NEIL1: variants seen among roughly 807,000 people sequenced by gnomAD.
The protein encoded by NEIL1 is endonuclease 8-like 1.
NEIL1 carries 31 observed loss-of-function variants against 44.2 expected under a neutral mutation model. That is an observed-to-expected ratio of 0.70 (90% confidence interval 0.53 to 0.95). The LOEUF is 0.95. NEIL1 is among the 40% of genes least tolerant of loss of function. The pLI is 0.00. For synonymous variants in NEIL1, 254 were observed against 209.7 expected (o/e 1.21, Z -1.83); for missense variants, 549 against 515.5 (o/e 1.07, Z -0.63).
rs2072305504 is a variant in NEIL1 at position 75,356,494 on chromosome 15, C to T, written c.*1460C>T. 1.9e-6 allele frequency: 3 copies of T among 1,569,264 alleles called. No individual in the cohort carries two copies. The highest frequency in any genetic ancestry group is 1.9e-5 in the Admixed American group (1 of 52,516). ...CAATGCTGGTGGAGAATGGGGGCTA[C>T]CCTCCCCTGTCCCTAGAAGGGGCAG... On this transcript the variant is annotated 3_prime_UTR_variant, in exon 10 of 10. Coordinates refer to ENST00000355059, the MANE Select transcript of NEIL1 (RefSeq NM_024608.4). This position sits in a 1 kb window ranked among gnomAD's most constrained non-coding sequence, Gnocchi z 5.8.
chr15:75,350,213 C>T (rs1041899928), intron 2 of NEIL1, among the ~76,000 whole-genome samples: 6 of 152,230 alleles, frequency 3.9e-5, no homozygotes, highest in Admixed American at 1.3e-4. Context: ...TTGGCCACTT[C>T]CTTTCCTCTG....
intron 1 of NEIL1, chr15:75,348,235 G>A (rs1424497140): frequency 2.4e-6 from 2 of 846,272 alleles, no homozygotes; most frequent in East Asian, 2.4e-4. Flanking sequence ...GGGATGTCCG[G>A]TCCGTGGGGC....
rs906814559 is a variant in NEIL1 at position 75,347,343 on chromosome 15, C to T, written c.-153C>T. The T allele has an allele frequency of 6.6e-6, 1 of 152,298 alleles. No homozygotes were observed. The highest frequency in any genetic ancestry group is 2.4e-5 in the African/African-American group (1 of 41,474). The allele number at this position is 152,298 out of a possible 1,614,324, so 9.4% of individuals were successfully genotyped here. On this transcript the variant is annotated 5_prime_UTR_variant, in exon 1 of 10. Coordinates refer to ENST00000355059, the MANE Select transcript of NEIL1 (RefSeq NM_024608.4). Reference sequence around the variant, plus strand: ...GCTGTTTCCTGCTGGGGGTGCCGACCCTGTCCCACGCTAGCTGGGTGACTT... The same window carrying T: ...GCTGTTTCCTGCTGGGGGTGCCGACTCTGTCCCACGCTAGCTGGGTGACTT...
rs778461649 is a variant in NEIL1 at position 75,356,034 on chromosome 15, T to A, written c.*1000T>A. 6.2e-7 allele frequency: 1 copy of A among 1,613,732 alleles called. No homozygotes were observed. Among genetic ancestry groups the A allele is most frequent in the Non-Finnish European group, 8.5e-7 (1 of 1,179,888 alleles). The stretch of plus-strand genomic sequence containing the variant: ...TCTGGTCGCTCCAAGAGATCGCAGC[T>A]GGAGAACAGGAGGGGCCATGAAGGC... On this transcript the variant is annotated 3_prime_UTR_variant, in exon 10 of 10. Coordinates refer to ENST00000355059, the MANE Select transcript of NEIL1 (RefSeq NM_024608.4). The surrounding 1 kb of genome is among the most constrained non-coding windows in gnomAD (Gnocchi z 5.8).
chr15:75,353,887 C>T lies in NEIL1; in HGVS notation c.846+21C>T, dbSNP rs765489738. 6 of 1,611,636 alleles carry T rather than the reference C, an allele frequency of 3.7e-6. No individual in the cohort carries two copies. In the Admixed American group the frequency reaches 6.7e-5, roughly 18 times the overall value. On this transcript the variant is annotated intron_variant, in intron 6 of 9. Transcript: ENST00000355059. ...TCCAGGTTGGGCCCTACTGTTCACA[C>T]AGGCAGAGACCCCAGGAGGCTGATG... is the stretch of plus-strand genomic sequence containing the variant.
At chr15:75,352,825 A>T in intron 5 of NEIL1, 124 bp downstream of exon 5, 2 of 752,990 alleles carry the variant, frequency 2.7e-6, no homozygotes, top group Non-Finnish European at 4.5e-6. Flanking sequence ...TACTCAATGG[A>T]CTAGGCCTCC....
rs757819142 is a variant in NEIL1, at chr15:75,355,921, C to CT, written c.*888dup. 1.8e-5 allele frequency: 29 copies of CT among 1,614,090 alleles called. No homozygotes were observed. The highest frequency in any genetic ancestry group is 1.7e-6 in the Non-Finnish European group (2 of 1,180,034). On this transcript the variant is annotated 3_prime_UTR_variant, in exon 10 of 10. Transcript: ENST00000355059. The stretch of plus-strand genomic sequence containing the variant: ...CCCCAGGGACTCAGTGTGGCGGAGG[C>CT]TGAAGCACGAGCAACAGGGACAGCA...
At position 75,349,213 on chromosome 15, in the gene NEIL1, C is replaced by T. The variant is rs1381158760; in HGVS notation, c.308C>T (p.Thr103Met). 1.2e-6 allele frequency: 2 copies of T among 1,609,226 alleles called. No homozygotes were observed. Among genetic ancestry groups the T allele is most frequent in the Non-Finnish European group, 8.5e-7 (1 of 1,179,860 alleles). Residue 103 changes from threonine (T) to methionine (M), a missense_variant, in exon 2 of 10, where the codon ACG (threonine) becomes ATG (methionine). Physicochemically the swap from Thr to Met is moderately conservative, Grantham distance 81 (BLOSUM62 -1). Transcript: ENST00000355059. ...LPRHAHLRFY[T>M]APPGPRLALC... ...CGCCATGCCCACCTGCGCTTTTACA[C>T]GGCCCCGCCTGGCCCCCGGCTCGCC...
Position 75,356,312 on chromosome 15 carries a change from T to C in NEIL1, c.*1278T>C, listed in dbSNP as rs1200679726. ...GTCCCACCCCTTGCCTGCTTGACGGTCTCCAATACGACCGCGGGTGAAGAC... is the reference window on the plus strand; with the variant it reads ...GTCCCACCCCTTGCCTGCTTGACGGCCTCCAATACGACCGCGGGTGAAGAC... On this transcript the variant is annotated 3_prime_UTR_variant, in exon 10 of 10. Coordinates refer to ENST00000355059, the MANE Select transcript of NEIL1 (RefSeq NM_024608.4). This position sits in a 1 kb window ranked among gnomAD's most constrained non-coding sequence, Gnocchi z 5.8. The C allele has an allele frequency of 6.2e-7, 1 of 1,610,102 alleles. No homozygotes were observed. Among genetic ancestry groups the C allele is most frequent in the Admixed American group, 1.7e-5 (1 of 59,540 alleles).
At chr15:75,354,115 G>A (rs1323788522) in intron 6 of NEIL1, 135 bp from the exon 7 acceptor site, 1 of 1,113,328 alleles carries the variant, frequency 9.0e-7, no homozygotes, top group Non-Finnish European at 1.3e-6. Context: ...ACTCTAACAT[G>A]GGGGATGTCC....
Position 75,354,737 on chromosome 15 carries a change from G to A in NEIL1, c.1021G>A (p.Glu341Lys). The change falls in exon 9 of 10, where the codon GAG becomes AAG. Residue 341 changes from glutamate (E) to lysine (K), a missense_variant. Transcript: ENST00000355059. ...TAAGAGGACTGCAACCCAGCGGCCTGAGGGGACCAGCCTCCAGCAGGACCC... is the reference window on the plus strand; with the variant it reads ...TAAGAGGACTGCAACCCAGCGGCCTAAGGGGACCAGCCTCCAGCAGGACCC... ...LPKRTATQRP[E>K]GTSLQQDPEA... is the part of the protein sequence containing the mutation. The A allele has an allele frequency of 1.2e-6, 2 of 1,614,146 alleles. No individual in the cohort carries two copies. The highest frequency in any genetic ancestry group is 1.7e-6 in the Non-Finnish European group (2 of 1,180,040).
At chr15:75,349,514 AAACTCAAAACT>A in intron 2 of NEIL1, 175 bp downstream of exon 2, 1 of 643,930 alleles carries the variant, frequency 1.6e-6, no homozygotes, top group Non-Finnish European at 2.6e-6. Flanking sequence ...GTGGGCATGG[AAACTCAAAACT>A]AATTGGGGGC....
chr15:75,348,091 G>T (rs1200130986), intron 1 of NEIL1: 21 of 967,278 alleles, frequency 2.2e-5, no homozygotes, highest in Non-Finnish European at 2.7e-5. Flanking sequence ...CCTCCCCCAG[G>T]CCCGGGGCAG....
chr15:75,351,492 G>A (rs1031640977), intron 2 of NEIL1: 4 of 340,974 alleles, frequency 1.2e-5, no homozygotes, highest in Non-Finnish European at 2.3e-5. Flanking sequence ...GCCCAGGCTG[G>A]TCTCCTGGGC....
At chr15:75,348,141 C>A in intron 1 of NEIL1, 1 of 743,518 alleles carries the variant, frequency 1.3e-6, no homozygotes, top group Non-Finnish European at 1.7e-6. Flanking sequence ...CGTCCTCCTG[C>A]GGAGCCATGG....
chr15:75,356,382 T>TGGCAGAGC lies in NEIL1; in HGVS notation c.*1349_*1356dup. ...AGGTGGCGGGCGCTGGGCTGGGGGC[T>TGGCAGAGC]GGCAGAGCCAACAGGGGGAAGTTTA... On this transcript the variant is annotated 3_prime_UTR_variant, in exon 10 of 10. Transcript: ENST00000355059. This position sits in a 1 kb window ranked among gnomAD's most constrained non-coding sequence, Gnocchi z 5.8. 6.2e-7 allele frequency: 1 copy of TGGCAGAGC among 1,611,626 alleles called. No individual in the cohort carries two copies. Among genetic ancestry groups the TGGCAGAGC allele is most frequent in the South Asian group, 1.1e-5 (1 of 90,608 alleles).
chr15:75,351,274 CT>C (rs11422837), intron 2 of NEIL1: 32,721 of 340,328 alleles, frequency 0.096, 8 homozygotes, highest in South Asian at 0.12. Flanking sequence ...CCTCATGTTG[CT>C]TTTTTTTTTT....
At position 75,349,274 on chromosome 15, in the gene NEIL1, G is replaced by T; in HGVS notation, c.369G>T (p.Trp123Cys). Residue 123 changes from tryptophan (W) to cysteine (C), a missense_variant, in exon 2 of 10, where the codon TGG (tryptophan) becomes TGT (cysteine). Coordinates refer to ENST00000355059, the MANE Select transcript of NEIL1 (RefSeq NM_024608.4). ...CFVDIRRFGR[W>C]DLGGKWQPGR... ...TGGACATCCGCCGGTTCGGCCGCTG[G>T]GACCTTGGGGGAAAGTGGCAGCCGG... 1 of 1,611,820 alleles carries T rather than the reference G, an allele frequency of 6.2e-7. No homozygotes were observed.
At chr15:75,350,327 G>C (rs2071784073) in intron 2 of NEIL1, among the ~76,000 whole-genome samples, 1 of 152,216 alleles carries the variant, frequency 6.6e-6, no homozygotes, top group Non-Finnish European at 1.5e-5. Flanking sequence ...CCACAGAACT[G>C]ATGTTCACAT....
Sources: allele counts gnomAD v4.1 joint callset (sites outside exome capture counted in the v4.1 genomes callset), GRCh38; gene constraint gnomAD v4.1.1; non-coding constraint Gnocchi (gnomAD v3.1); transcripts MANE v1.5; gene names NCBI Gene and HGNC (gene_info 2026-07-23, HGNC 2026-07-21).